Variants in SH2B2 observed in about 807,000 individuals in gnomAD.
SH2B2 encodes the protein SH2B adapter protein 2.
Under a neutral mutation model 35.7 loss-of-function variants are expected in SH2B2, and 37 were observed. The observed-to-expected ratio is 1.04, with a 90% CI of 0.80 to 1.36. The LOEUF (loss-of-function observed/expected upper bound fraction) is 1.36. SH2B2 is among the 40% of genes most tolerant of loss of function. SH2B2 has a pLI of 0.00. For missense variants in SH2B2, 852 were observed against 817.7 expected (o/e 1.04, Z -0.51); for synonymous variants, 383 against 376.4 (o/e 1.02, Z -0.20).
chr7:102,312,990 G>A (rs1210552020), intron 4 of SH2B2, among the ~76,000 whole-genome samples: 3 of 151,900 alleles, frequency 2.0e-5, no homozygotes, highest in Non-Finnish European at 4.4e-5. Context: ...TCAGCCGGGC[G>A]TGGTGGTACA....
chr7:102,311,164 A>C lies in SH2B2; in HGVS notation c.923+2258A>C, dbSNP rs112389946. 5.6e-3 allele frequency among the ~76,000 whole-genome samples: 845 copies of C among 152,190 alleles called. 7 individuals carry two copies. Among genetic ancestry groups the C allele is most frequent in the African/African-American group, 0.019 (808 of 41,506 alleles). ...GGAGTACAGTGGTGCAATCAAGCTC[A>C]CTGCAGCCTCGACCTCCTGGGCTCG... On this transcript the variant is annotated intron_variant, in intron 4 of 8. Transcript: ENST00000444095.
In SH2B2 at chr7:102,321,449, C is replaced by T. The variant is rs1487343614; in HGVS notation, c.1718C>T (p.Ser573Leu). The T allele has an allele frequency of 3.2e-6, 4 of 1,250,448 alleles. No individual in the cohort carries two copies. The highest frequency in any genetic ancestry group is 1.6e-5 in the African/African-American group (1 of 62,908). The allele number at this position is 1,250,448 out of a possible 1,614,324, so 77.5% of individuals were successfully genotyped here. Reference sequence around the variant, plus strand: ...GGCGCCTCCTCGTCTTCCGCCTCGTCGTCCTCTGCCGCGTCGGGGCCCGCC... The same window carrying T: ...GGCGCCTCCTCGTCTTCCGCCTCGTTGTCCTCTGCCGCGTCGGGGCCCGCC... ...AAGASSSSASSSSAASGPAPP... is the reference protein window; with the variant it reads ...AAGASSSSASLSSAASGPAPP... Residue 573 changes from serine (S) to leucine (L), a missense_variant, in exon 9 of 9, where the codon TCG becomes TTG. Around this residue, in one of 3 missense-constraint regions of SH2B2, gnomAD observed 556 missense variants for 514.5 expected, o/e 1.08. Transcript: ENST00000444095.
At chr7:102,300,450 G>A (rs1793100237) in intron 1 of SH2B2, 72 bp from the exon 2 acceptor site, 1 of 1,454,718 alleles carries the variant, frequency 6.9e-7, no homozygotes, top group Non-Finnish European at 9.1e-7. Context: ...TCCTAGGGGA[G>A]CTGGAAGGAG....
intron 1 of SH2B2, among the ~76,000 whole-genome samples, chr7:102,291,334 G>A (rs918206628): frequency 1.1e-4 from 17 of 152,230 alleles, no homozygotes; most frequent in African/African-American, 4.1e-4. Flanking sequence ...GTTGTCCTGG[G>A]TGCAGGGCTG....
chr7:102,295,622 T>C (rs1554552414), intron 1 of SH2B2, among the ~76,000 whole-genome samples: 1 of 152,134 alleles, frequency 6.6e-6, no homozygotes, highest in Non-Finnish European at 1.5e-5. Context: ...ACACTTGAAG[T>C]ACCCTATAAC....
Position 102,309,113 on chromosome 7 carries a change from A to G in SH2B2, c.923+207A>G, listed in dbSNP as rs781813723. 1.3e-5 allele frequency: 9 copies of G among 667,034 alleles called. No homozygotes were observed. The East Asian group carries it at 1.5e-4, about 11-fold the overall frequency. 41.3% of individuals were successfully genotyped at this position (667,034 alleles called of 1,614,324 possible). A position where few individuals can be genotyped will look rare whatever the true frequency, so the allele number is the denominator to read the frequency against. ...CAGCAGACTCTGTGAGGCCTGCTCT[A>G]TGGGGCCAGGGCCTGGGGACCTGGA... is the stretch of plus-strand genomic sequence containing the variant. On this transcript the variant is annotated intron_variant, in intron 4 of 8. Transcript: ENST00000444095.
chr7:102,306,060 C>T (rs1188929941), intron 2 of SH2B2, among the ~76,000 whole-genome samples: 2 of 151,744 alleles, frequency 1.3e-5, no homozygotes, highest in Admixed American at 6.6e-5. Flanking sequence ...CCACCACACT[C>T]GGCTAAGTTT....
At position 102,297,809 on chromosome 7, in the gene SH2B2, G is replaced by A. The variant is rs2132937644; in HGVS notation, c.-29-2713G>A. 6.6e-6 allele frequency among the ~76,000 whole-genome samples: 1 copy of A among 152,172 alleles called. No individual in the cohort carries two copies. The highest frequency in any genetic ancestry group is 1.9e-4 in the East Asian group (1 of 5,186). ...GCATTCTCGGGGGAAGGGGGTGGAG[G>A]GGACACACAACCAAGCAACTAAATA... On this transcript the variant is annotated intron_variant, in intron 1 of 8. Coordinates refer to ENST00000444095, the MANE Select transcript of SH2B2 (RefSeq NM_001359228.2). The surrounding 1 kb of genome is among the most constrained non-coding windows in gnomAD (Gnocchi z 4.3).
intron 4 of SH2B2, among the ~76,000 whole-genome samples, chr7:102,312,856 G>A (rs1339816817): frequency 2.0e-5 from 3 of 152,046 alleles, no homozygotes; most frequent in Non-Finnish European, 2.9e-5. Flanking sequence ...AGGGCCGGGC[G>A]CGGTGGCTCA....
At chr7:102,299,342 GCATATGCCAC>G (rs1227252997) in intron 1 of SH2B2, among the ~76,000 whole-genome samples, 2 of 150,984 alleles carry the variant, frequency 1.3e-5, no homozygotes, top group Non-Finnish European at 2.9e-5. Flanking sequence ...GGGACTACAG[GCATATGCCAC>G]CATGCCCAGC....
chr7:102,315,749 A>AG (rs1171008510), intron 6 of SH2B2, among the ~76,000 whole-genome samples: 1 of 148,422 alleles, frequency 6.7e-6, no homozygotes, highest in Non-Finnish European at 1.5e-5. Flanking sequence ...GAAAAGAAAA[A>AG]AAAAAAAAAA....
At chr7:102,299,602 CA>C (rs1157519511) in intron 1 of SH2B2, among the ~76,000 whole-genome samples, 4 of 152,112 alleles carry the variant, frequency 2.6e-5, no homozygotes, top group African/African-American at 7.2e-5. Context: ...GTGCTGCATG[CA>C]GGAAAAATAG....
At chr7:102,320,835 A>G (rs1554558294) in intron 8 of SH2B2, among the ~76,000 whole-genome samples, 3 of 152,130 alleles carry the variant, frequency 2.0e-5, no homozygotes, top group Non-Finnish European at 1.5e-5. Context: ...TGGATTCTTA[A>G]GCCCTGCACT....
chr7:102,305,921 G>A (rs1308388404), intron 2 of SH2B2, among the ~76,000 whole-genome samples: 6 of 125,768 alleles, frequency 4.8e-5, no homozygotes, highest in Non-Finnish European at 7.9e-5. Flanking sequence ...TTGAGGCATC[G>A]TCTCACTCTG....
chr7:102,321,340 TG>T lies in SH2B2; in HGVS notation c.1610del (p.Cys537SerfsTer111). 1 of 1,440,866 alleles carries T rather than the reference TG, an allele frequency of 6.9e-7. No individual in the cohort carries two copies. Among genetic ancestry groups the T allele is most frequent in the Non-Finnish European group, 9.1e-7 (1 of 1,102,910 alleles). The allele number at this position is 1,440,866 out of a possible 1,614,324, so 89.3% of individuals were successfully genotyped here. A position where few individuals can be genotyped will look rare whatever the true frequency, so the allele number is the denominator to read the frequency against. ...TPPAAPASPA[C>X]WSDSPGQHYF... ...CCCTGCCGCGCCCGCGTCCCCGGCC[TG>T]CTGGAGCGACTCGCCCGGCCAGCAC... On this transcript the variant is annotated frameshift_variant, in exon 9 of 9. Coordinates refer to ENST00000444095, the MANE Select transcript of SH2B2 (RefSeq NM_001359228.2). LOFTEE classifies it low-confidence loss of function (END_TRUNC).
chr7:102,289,833 G>T (rs1554551459), intron 1 of SH2B2, among the ~76,000 whole-genome samples: 1 of 151,970 alleles, frequency 6.6e-6, no homozygotes, highest in Non-Finnish European at 1.5e-5. Flanking sequence ...GATGGGAGGG[G>T]GGAACCTCTG....
At chr7:102,307,232 G>A (rs1445138277) in intron 3 of SH2B2, among the ~76,000 whole-genome samples, 1 of 152,230 alleles carries the variant, frequency 6.6e-6, no homozygotes, top group African/African-American at 2.4e-5. Flanking sequence ...CCCACAGAGG[G>A]CACAAAGGCA....
intron 6 of SH2B2, among the ~76,000 whole-genome samples, 180 bp downstream of exon 6, chr7:102,314,862 T>C (rs1316154360): frequency 6.6e-6 from 1 of 152,206 alleles, no homozygotes; most frequent in Non-Finnish European, 1.5e-5. Flanking sequence ...TCTAGGAACC[T>C]GGCCCCTCCC....
chr7:102,318,990 C>G (rs998233488), intron 7 of SH2B2, among the ~76,000 whole-genome samples: 1 of 152,142 alleles, frequency 6.6e-6, no homozygotes. Context: ...GAACAAGACC[C>G]AGCCTTGAAC....
Sources: gnomAD v4.1 joint callset for allele counts (sites outside exome capture counted in the v4.1 genomes callset) on GRCh38, gnomAD v4.1.1 for gene constraint, gnomAD v4.1.1 regional missense constraint, Gnocchi (gnomAD v3.1) non-coding constraint, MANE v1.5 for transcripts, NCBI Gene and HGNC (gene_info 2026-07-23, HGNC 2026-07-21) for gene names.